Variants in SBSPON observed in about 807,000 individuals in gnomAD.
SBSPON encodes somatomedin B and thrombospondin type 1 domain containing.
In SBSPON, 30 loss-of-function variants were observed where a neutral mutation model predicts 35.8. The observed-to-expected ratio is 0.84, with a 90% CI of 0.63 to 1.14. The LOEUF (loss-of-function observed/expected upper bound fraction) is 1.14. Among genes scored for constraint, SBSPON ranks in the 50% most tolerant of loss-of-function variants. The pLI is 0.00. For synonymous variants in SBSPON, 136 were observed against 135.9 expected (o/e 1.00, Z 0.00); for missense variants, 364 against 357.7 (o/e 1.02, Z -0.14).
intron 2 of SBSPON, among the ~76,000 whole-genome samples, chr8:73,079,655 C>A (rs988280887): frequency 6.6e-6 from 1 of 152,134 alleles, no homozygotes; most frequent in East Asian, 1.9e-4. Flanking sequence ...CCTCCTTCTC[C>A]CCCAAGACCG....
chr8:73,066,243 CA>C lies in SBSPON; in HGVS notation c.*1097del, dbSNP rs1233560401. 2 of 152,112 alleles carry C rather than the reference CA, an allele frequency of 1.3e-5. No homozygotes were observed. Among genetic ancestry groups the C allele is most frequent in the Non-Finnish European group, 2.9e-5 (2 of 68,030 alleles). The allele number at this position is 152,112 out of a possible 1,614,324, so 9.4% of individuals were successfully genotyped here. A position where few individuals can be genotyped will look rare whatever the true frequency, so the allele number is the denominator to read the frequency against. ...TTAGCTTTTCCAGCACAGTGTTTGG[CA>C]AAGTCAGGCTTTTCATGGAGTTCTG... On this transcript the variant is annotated 3_prime_UTR_variant, in exon 5 of 5. Coordinates refer to ENST00000297354, the MANE Select transcript of SBSPON (RefSeq NM_153225.4).
rs1031554924 is a variant in SBSPON at position 73,069,142 on chromosome 8, G to T, written c.677+663C>A. Among the ~76,000 whole-genome samples the T allele has an allele frequency of 2.0e-4, 30 of 152,258 alleles. 1 individual carries two copies. The highest frequency in any genetic ancestry group is 1.9e-3 in the Admixed American group (29 of 15,300). On this transcript the variant is annotated intron_variant, in intron 4 of 4. Coordinates refer to ENST00000297354, the MANE Select transcript of SBSPON (RefSeq NM_153225.4). ...AAATCCACCTCCAAAGAGTGATTCA[G>T]TTAGTCGGAAATGAGGTTCAGGAAT... is the stretch of plus-strand genomic sequence containing the variant.
chr8:73,071,474 C>T (rs1400755469), intron 3 of SBSPON, among the ~76,000 whole-genome samples: 6 of 152,124 alleles, frequency 3.9e-5, no homozygotes, highest in Admixed American at 2.0e-4. Context: ...AGTCTAACGT[C>T]CCATAAAGAC....
chr8:73,070,873 G>A (rs1410017223), intron 3 of SBSPON, among the ~76,000 whole-genome samples: 2 of 152,170 alleles, frequency 1.3e-5, no homozygotes, highest in African/African-American at 4.8e-5. Context: ...GAAGTGTTTG[G>A]AGAATCTGCT....
In SBSPON at chr8:73,093,144, G is replaced by A. The variant is rs1381864058; in HGVS notation, c.-77C>T. On this transcript the variant is annotated 5_prime_UTR_variant, in exon 1 of 5. Transcript: ENST00000297354. Reference sequence around the variant, plus strand: ...TCTGATCCTCGGCTGGCCGCGGCCCGGGAGCTGCCCGAGCGGCCGGCGAGG... The same window carrying A: ...TCTGATCCTCGGCTGGCCGCGGCCCAGGAGCTGCCCGAGCGGCCGGCGAGG... 7.7e-6 allele frequency: 6 copies of A among 783,884 alleles called. No homozygotes were observed. The highest frequency in any genetic ancestry group is 4.2e-5 in the East Asian group (1 of 23,786). The allele number at this position is 783,884 out of a possible 1,614,324, so 48.6% of individuals were successfully genotyped here. A position where few individuals can be genotyped will look rare whatever the true frequency, so the allele number is the denominator to read the frequency against.
At chr8:73,086,057 G>T (rs1291123449) in intron 1 of SBSPON, among the ~76,000 whole-genome samples, 1 of 152,004 alleles carries the variant, frequency 6.6e-6, no homozygotes, top group African/African-American at 2.4e-5. Flanking sequence ...CATAGCTATT[G>T]TTTCTTCACA....
chr8:73,079,494 C>T (rs182591727), intron 2 of SBSPON, among the ~76,000 whole-genome samples: 1 of 152,010 alleles, frequency 6.6e-6, no homozygotes, highest in Non-Finnish European at 1.5e-5. Flanking sequence ...CCCTCAAACC[C>T]TCTACACCTG....
intron 1 of SBSPON, among the ~76,000 whole-genome samples, chr8:73,084,675 AGACT>A (rs1412676880): frequency 3.3e-5 from 5 of 151,838 alleles, no homozygotes; most frequent in Non-Finnish European, 7.4e-5. Flanking sequence ...TTTAACTCCC[AGACT>A]AACTACTTCC....
At chr8:73,074,569 G>T (rs536076900) in intron 2 of SBSPON, 1 of 984,154 alleles carries the variant, frequency 1.0e-6, no homozygotes, top group African/African-American at 1.7e-5. Flanking sequence ...ACTCCTCAGG[G>T]CGGCACTCCA....
chr8:73,092,925 C>T lies in SBSPON; in HGVS notation c.143G>A (p.Gly48Glu). Residue 48 changes from glycine to glutamate, a missense_variant, in exon 1 of 5, where the codon GGG becomes GAG. Transcript: ENST00000297354. ...ARGWRLDRVY[G>E]TCFCDQACRF... Reference sequence around the variant, plus strand: ...ACAGGCTTGGTCGCAGAAACACGTCCCGTAGACCCTGTCCAGCCTCCAGCC... The same window carrying T: ...ACAGGCTTGGTCGCAGAAACACGTCTCGTAGACCCTGTCCAGCCTCCAGCC... 6.2e-7 allele frequency: 1 copy of T among 1,611,072 alleles called. No homozygotes were observed. Among genetic ancestry groups the T allele is most frequent in the Non-Finnish European group, 8.5e-7 (1 of 1,179,244 alleles).
At chr8:73,085,463 T>C (rs1306648206) in intron 1 of SBSPON, 2 of 152,060 alleles carry the variant, frequency 1.3e-5, no homozygotes, top group African/African-American at 4.8e-5. Context: ...ACCTTTTCTA[T>C]GCCACTCATG....
intron 1 of SBSPON, among the ~76,000 whole-genome samples, chr8:73,092,204 C>T (rs1187450106): frequency 6.6e-6 from 1 of 152,156 alleles, no homozygotes; most frequent in African/African-American, 2.4e-5. Flanking sequence ...ATAGGGACCT[C>T]GAGATAAAAT....
chr8:73,075,045 C>T (rs529458828), intron 2 of SBSPON, among the ~76,000 whole-genome samples: 1 of 152,286 alleles, frequency 6.6e-6, no homozygotes, highest in East Asian at 1.9e-4. Flanking sequence ...TTTTTGTTTT[C>T]CATTTTCTGT....
At chr8:73,086,366 T>C (rs949262028) in intron 1 of SBSPON, among the ~76,000 whole-genome samples, 1 of 152,140 alleles carries the variant, frequency 6.6e-6, no homozygotes, top group Non-Finnish European at 1.5e-5. Context: ...TTTGCCATGT[T>C]GGTCAGGCTG....
In SBSPON at chr8:73,067,221, G is replaced by A. The variant is rs183266739; in HGVS notation, c.*120C>T. On this transcript the variant is annotated 3_prime_UTR_variant, in exon 5 of 5. Transcript: ENST00000297354. ...CCCTAAATTTTCTTTCTCTACTTCA[G>A]AGTGTGGCAATGATGTGTTTGGGGA... 133 of 592,620 alleles carry A rather than the reference G, an allele frequency of 2.2e-4. No individual in the cohort carries two copies. The highest frequency in any genetic ancestry group is 2.1e-3 in the African/African-American group (115 of 54,066). The allele number at this position is 592,620 out of a possible 1,614,324, so 36.7% of individuals were successfully genotyped here. A position where few individuals can be genotyped will look rare whatever the true frequency, so the allele number is the denominator to read the frequency against.
chr8:73,065,419 C>T lies in SBSPON; in HGVS notation c.*1922G>A, dbSNP rs1455221855. The T allele has an allele frequency of 1.3e-5, 2 of 151,876 alleles. No individual in the cohort carries two copies. Among genetic ancestry groups the T allele is most frequent in the Non-Finnish European group, 2.9e-5 (2 of 67,976 alleles). The allele number at this position is 151,876 out of a possible 1,614,324, so 9.4% of individuals were successfully genotyped here. A position where few individuals can be genotyped will look rare whatever the true frequency, so the allele number is the denominator to read the frequency against. On this transcript the variant is annotated 3_prime_UTR_variant, in exon 5 of 5. Coordinates refer to ENST00000297354, the MANE Select transcript of SBSPON (RefSeq NM_153225.4). ...TGGTCCAGAAAATTTGGGTTATTTT[C>T]TAGTCAAACAAATATAGAGCTTTTA...
chr8:73,073,393 A>G (rs538475480), intron 2 of SBSPON, among the ~76,000 whole-genome samples: 1 of 152,372 alleles, frequency 6.6e-6, no homozygotes, highest in East Asian at 1.9e-4. Flanking sequence ...ACTGGTTGCA[A>G]AATAGATGCT....
intron 2 of SBSPON, among the ~76,000 whole-genome samples, chr8:73,078,246 A>C (rs1810631181): frequency 1.3e-5 from 2 of 152,162 alleles, no homozygotes; most frequent in Non-Finnish European, 2.9e-5. Context: ...AGGAATCATC[A>C]GACAGGGTTG....
intron 1 of SBSPON, among the ~76,000 whole-genome samples, chr8:73,083,141 G>A (rs1291943106): frequency 1.3e-5 from 2 of 152,112 alleles, no homozygotes; most frequent in African/African-American, 4.8e-5. Flanking sequence ...TATTCGGTTT[G>A]GTCTCACAGT....
Sources: allele counts gnomAD v4.1 joint callset (sites outside exome capture counted in the v4.1 genomes callset), GRCh38; gene constraint gnomAD v4.1.1; transcripts MANE v1.5; gene names NCBI Gene and HGNC (gene_info 2026-07-23, HGNC 2026-07-21).